FHIT: variants seen among roughly 807,000 people sequenced by gnomAD.
The protein encoded by FHIT is fragile histidine triad diadenosine triphosphatase, also known as bis(5'-adenosyl)-triphosphatase.
Under a neutral mutation model 17.9 loss-of-function variants are expected in FHIT, and 19 were observed. That is an observed-to-expected ratio of 1.06 (90% CI 0.74 to 1.56). The LOEUF is 1.56. Among genes scored for constraint, FHIT ranks in the 40% most tolerant of loss-of-function variants. FHIT has a pLI of 0.00. For missense variants in FHIT, 248 were observed against 189.2 expected (o/e 1.31, Z -1.82); for synonymous variants, 81 against 69.7 (o/e 1.16, Z -0.81).
intron 8 of FHIT, among the ~76,000 whole-genome samples, chr3:59,855,948 T>C (rs898215679): frequency 1.2e-3 from 41 of 32,916 alleles, no homozygotes; most frequent in African/African-American, 5.6e-4. Flanking sequence ...GCCCGGCTAA[T>C]TTTTTTGTAT....
intron 7 of FHIT, among the ~76,000 whole-genome samples, chr3:60,004,266 A>G (rs796453345): frequency 1.2e-4 from 19 of 152,278 alleles, no homozygotes; most frequent in African/African-American, 4.6e-4. Flanking sequence ...TGAATCCTAT[A>G]AAACACTGAA....
chr3:60,589,603 G>A (rs2038017074), intron 4 of FHIT, among the ~76,000 whole-genome samples: 1 of 151,884 alleles, frequency 6.6e-6, no homozygotes. Flanking sequence ...TCCACGTCGG[G>A]GGATATATTT....
At chr3:60,924,902 C>T (rs762885652) in intron 3 of FHIT, among the ~76,000 whole-genome samples, 5 of 152,070 alleles carry the variant, frequency 3.3e-5, no homozygotes, top group African/African-American at 4.8e-5. Flanking sequence ...ACCAGAACTA[C>T]GTGACGAATA....
Position 60,552,645 on chromosome 3 carries a change from A to G in FHIT, c.-17-15666T>C, listed in dbSNP as rs145555469. Among the ~76,000 whole-genome samples, 128 of 152,220 alleles carry G rather than the reference A, an allele frequency of 8.4e-4. No individual in the cohort carries two copies. The East Asian group carries it at 0.023, about 28-fold the overall frequency. ...CAGCCTGTTCATTGCCAACTTGGTA[A>G]GTATTTATACCTACTCCCTCTTCCT... On this transcript the variant is annotated intron_variant, in intron 4 of 9. Transcript: ENST00000492590.
At chr3:60,158,629 GCAGA>G (rs1559685589) in intron 5 of FHIT, among the ~76,000 whole-genome samples, 1 of 152,046 alleles carries the variant, frequency 6.6e-6, no homozygotes, top group African/African-American at 2.4e-5. Flanking sequence ...TTCTCTAAGC[GCAGA>G]CAAAGAAAAG....
intron 7 of FHIT, among the ~76,000 whole-genome samples, chr3:59,954,204 A>C (rs1707272379): frequency 6.9e-6 from 1 of 144,278 alleles, no homozygotes; most frequent in African/African-American, 2.6e-5. Context: ...AGCATTTTTC[A>C]GAAGTTATTT....
At chr3:60,172,254 TTTTGTTTG>T (rs542061779) in intron 5 of FHIT, among the ~76,000 whole-genome samples, 9 of 151,854 alleles carry the variant, frequency 5.9e-5, no homozygotes, top group South Asian at 2.1e-4. Flanking sequence ...AGTATGGGTT[TTTTGTTTG>T]TTTGTTTGTT....
At position 60,590,401 on chromosome 3, in the gene FHIT, G is replaced by C. The variant is rs374040583; in HGVS notation, c.-17-53422C>G. ...ACCACTTTTACACTCCACCCCCAGA[G>C]AATAACAGACAACATGCTGTTTCTT... On this transcript the variant is annotated intron_variant, in intron 4 of 9. Coordinates refer to ENST00000492590, the MANE Select transcript of FHIT (RefSeq NM_002012.4). Among the ~76,000 whole-genome samples the C allele has an allele frequency of 2.0e-4, 31 of 152,112 alleles. No individual in the cohort carries two copies. In the East Asian group the frequency reaches 5.1e-3, roughly 25 times the overall value.
intron 5 of FHIT, among the ~76,000 whole-genome samples, chr3:60,110,333 G>A (rs1450770511): frequency 6.6e-6 from 1 of 152,146 alleles, no homozygotes; most frequent in Non-Finnish European, 1.5e-5. Context: ...TCACCATCTT[G>A]AAAATTTCTT....
At chr3:60,929,615 G>T (rs1197274025) in intron 3 of FHIT, among the ~76,000 whole-genome samples, 5 of 152,084 alleles carry the variant, frequency 3.3e-5, no homozygotes, top group African/African-American at 1.2e-4. Context: ...ATTCACAATT[G>T]CTTCAAAGAG....
chr3:59,756,169 T>G (rs1432331791), intron 8 of FHIT, among the ~76,000 whole-genome samples: 1 of 152,112 alleles, frequency 6.6e-6, no homozygotes, highest in Non-Finnish European at 1.5e-5. Context: ...GTAAAAGTAT[T>G]TTTCATCTCC....
At chr3:60,784,315 C>T (rs1306519552) in intron 4 of FHIT, among the ~76,000 whole-genome samples, 1 of 151,736 alleles carries the variant, frequency 6.6e-6, no homozygotes, top group African/African-American at 2.4e-5. Context: ...ACCTGCTCTA[C>T]CCAGATCTTT....
chr3:60,229,064 A>G (rs368712536), intron 5 of FHIT, among the ~76,000 whole-genome samples: 17 of 152,292 alleles, frequency 1.1e-4, no homozygotes, highest in African/African-American at 4.1e-4. Flanking sequence ...CAGCATATGT[A>G]CGAACTGCTT....
chr3:59,980,450 T>A (rs1708603200), intron 7 of FHIT, among the ~76,000 whole-genome samples: 1 of 152,186 alleles, frequency 6.6e-6, no homozygotes, highest in Non-Finnish European at 1.5e-5. Context: ...TAGCTATAGG[T>A]TGTTATAATT....
intron 3 of FHIT, among the ~76,000 whole-genome samples, chr3:60,849,851 A>G (rs1703079744): frequency 6.6e-6 from 1 of 151,990 alleles, no homozygotes; most frequent in South Asian, 2.1e-4. Context: ...ATTCAAGCAT[A>G]TGGAGTCTTA....
intron 8 of FHIT, among the ~76,000 whole-genome samples, chr3:59,903,439 T>C (rs767691476): frequency 2.5e-4 from 38 of 152,232 alleles, no homozygotes; most frequent in Non-Finnish European, 1.2e-4. Context: ...GGTATTTTAA[T>C]TGTATCTAAA....
rs998348151 is a variant in FHIT at position 60,299,792 on chromosome 3, C to T, written c.103+237068G>A. Reference sequence around the variant, plus strand: ...GGAGTGGCTCATTACATCCCAGTGACGATAGTAGTTTTGGCTCCCACTTGG... The same window carrying T: ...GGAGTGGCTCATTACATCCCAGTGATGATAGTAGTTTTGGCTCCCACTTGG... On this transcript the variant is annotated intron_variant, in intron 5 of 9. Coordinates refer to ENST00000492590, the MANE Select transcript of FHIT (RefSeq NM_002012.4). Among the ~76,000 whole-genome samples, 4 of 152,028 alleles carry T rather than the reference C, an allele frequency of 2.6e-5. 1 individual carries two copies. Among genetic ancestry groups the T allele is most frequent in the Admixed American group, 1.3e-4 (2 of 15,248 alleles).
chr3:60,111,514 T>TAC (rs1417908514), intron 5 of FHIT, among the ~76,000 whole-genome samples: 1 of 152,196 alleles, frequency 6.6e-6, no homozygotes, highest in Non-Finnish European at 1.5e-5. Context: ...GCAATGTAAT[T>TAC]ACCCATTTCT....
At chr3:59,951,127 G>C (rs537488750) in intron 7 of FHIT, among the ~76,000 whole-genome samples, 1 of 152,294 alleles carries the variant, frequency 6.6e-6, no homozygotes, top group South Asian at 2.1e-4. Flanking sequence ...AAACAGCAAG[G>C]CTTAGGAAGG....
Sources: allele counts gnomAD v4.1 joint callset (sites outside exome capture counted in the v4.1 genomes callset), GRCh38; gene constraint gnomAD v4.1.1; transcripts MANE v1.5; gene names NCBI Gene and HGNC (gene_info 2026-07-23, HGNC 2026-07-21).